CXADR: variants seen among roughly 807,000 people sequenced by gnomAD.
CXADR encodes coxsackievirus and adenovirus receptor.
In CXADR, 20 loss-of-function variants were observed where a neutral mutation model predicts 40.3. The ratio of observed to expected loss-of-function variants is 0.50; its 90% CI spans 0.35 to 0.72. CXADR has a LOEUF of 0.72. Ranked by LOEUF, CXADR falls within the 30% of genes least tolerant of loss-of-function variation. The pLI, the probability that CXADR is intolerant of heterozygous loss-of-function variation, is 0.01. For missense variants in CXADR, 332 were observed against 449.1 expected (o/e 0.74, Z 2.36); for synonymous variants, 150 against 161.3 (o/e 0.93, Z 0.53).
chr21:17,560,989 ACTT>A, intron 5 of CXADR, among the ~76,000 whole-genome samples, 165 bp downstream of exon 5: 1 of 152,332 alleles, frequency 6.6e-6, no homozygotes, highest in East Asian at 1.9e-4. Flanking sequence ...TATTAAAAAA[ACTT>A]CATAATTGCA....
At chr21:17,608,867 C>T in the CXADR span, 4 of 1,081,844 alleles carry the variant, frequency 3.7e-6, no homozygotes, top group South Asian at 3.8e-5. Flanking sequence ...CTATATTTTG[C>T]AGATGAAACA....
intron 1 of CXADR, among the ~76,000 whole-genome samples, chr21:17,523,080 G>A (rs1398970674): frequency 6.6e-6 from 1 of 152,136 alleles, no homozygotes; most frequent in African/African-American, 2.4e-5. Flanking sequence ...TCTTCAGCTT[G>A]TTGAGATGCT....
the CXADR span, chr21:17,605,017 C>G: frequency 6.2e-6 from 10 of 1,609,534 alleles, 1 homozygote; most frequent in South Asian, 7.7e-5. Flanking sequence ...AGTGGAGTTA[C>G]GTTAATGGAT....
At chr21:17,604,755 C>A in the CXADR span, 1 of 1,356,514 alleles carries the variant, frequency 7.4e-7, no homozygotes, top group Non-Finnish European at 9.8e-7. Flanking sequence ...AGTTAAACCA[C>A]CAGCTCCTGG....
chr21:17,556,003 C>T (rs1211441731), intron 3 of CXADR, among the ~76,000 whole-genome samples: 3 of 152,094 alleles, frequency 2.0e-5, no homozygotes, highest in Non-Finnish European at 4.4e-5. Context: ...TGAAGGAATA[C>T]GTGTATGGAA....
the CXADR span, among the ~76,000 whole-genome samples, chr21:17,615,441 G>A: frequency 2.0e-5 from 3 of 152,190 alleles, no homozygotes; most frequent in Admixed American, 6.5e-5. Flanking sequence ...CCCAGTGGAT[G>A]TCTGAAACTG....
In CXADR at chr21:17,551,967, A is replaced by G; in HGVS notation, c.415+14A>G. 1 of 1,594,222 alleles carries G rather than the reference A, an allele frequency of 6.3e-7. No homozygotes were observed. The highest frequency in any genetic ancestry group is 8.6e-7 in the Non-Finnish European group (1 of 1,162,254). ...TGGTAGTTCTTGGTAAGTTATTTTT[A>G]TTTGTGTTAACGGGTTACTGAGTAA... On this transcript the variant is annotated intron_variant, in intron 3 of 6. Transcript: ENST00000284878.
chr21:17,627,952 G>A, the CXADR span, among the ~76,000 whole-genome samples: 1 of 152,108 alleles, frequency 6.6e-6, no homozygotes, highest in East Asian at 1.9e-4. Flanking sequence ...AGTTGATTAA[G>A]TTTTTAGTTG....
At position 17,559,118 on chromosome 21, in the gene CXADR, T is replaced by C. The variant is rs776385270; in HGVS notation, c.558T>C (p.Thr186=). ...QKLSDSQKMP[T]SWLAEMTSSV... is the part of the protein sequence containing the mutation. ...TGTCTGACTCACAGAAAATGCCCAC[T>C]TCATGGTTAGCAGGTACTGCTGATA... The change falls in exon 4 of 7, where the codon ACT becomes ACC. Residue 186 remains threonine, a synonymous_variant. Coordinates refer to ENST00000284878, the MANE Select transcript of CXADR (RefSeq NM_001338.5). 11 of 1,614,124 alleles carry C rather than the reference T, an allele frequency of 6.8e-6. No homozygotes were observed. The highest frequency in any genetic ancestry group is 7.6e-6 in the Non-Finnish European group (9 of 1,179,994).
the CXADR span, among the ~76,000 whole-genome samples, chr21:17,620,718 CG>C: frequency 6.6e-6 from 1 of 151,178 alleles, no homozygotes; most frequent in Non-Finnish European, 1.5e-5. Flanking sequence ...TCAGAAATAA[CG>C]TAAAAAAAAA....
At chr21:17,555,048 T>C (rs1253841016) in intron 3 of CXADR, among the ~76,000 whole-genome samples, 1 of 152,182 alleles carries the variant, frequency 6.6e-6, no homozygotes, top group African/African-American at 2.4e-5. Flanking sequence ...GCAGAAGCTC[T>C]TGTGGATGCA....
the CXADR span, among the ~76,000 whole-genome samples, chr21:17,616,050 A>G: frequency 6.6e-6 from 1 of 152,104 alleles, no homozygotes; most frequent in East Asian, 1.9e-4. Flanking sequence ...CAGGAGTTTG[A>G]GACCAGCCTG....
intron 1 of CXADR, among the ~76,000 whole-genome samples, chr21:17,519,436 G>A (rs985691044): frequency 6.6e-6 from 1 of 152,202 alleles, no homozygotes; most frequent in Non-Finnish European, 1.5e-5. Flanking sequence ...CACTAGTCAT[G>A]TCTGAGTCAG....
At chr21:17,629,231 T>C in the CXADR span, among the ~76,000 whole-genome samples, 6 of 151,558 alleles carry the variant, frequency 4.0e-5, no homozygotes, top group Admixed American at 1.3e-4. Flanking sequence ...AATACAAAAA[T>C]TAGCTGGGTA....
chr21:17,625,782 A>T, the CXADR span, among the ~76,000 whole-genome samples: 2 of 152,238 alleles, frequency 1.3e-5, no homozygotes, highest in Non-Finnish European at 2.9e-5. Context: ...AAATCTACAG[A>T]TGATTCTAGC....
chr21:17,617,810 T>TA, the CXADR span, among the ~76,000 whole-genome samples: 1 of 151,850 alleles, frequency 6.6e-6, no homozygotes. Flanking sequence ...CTGTGGCAAT[T>TA]AAAAAAAATA....
chr21:17,587,996 T>C (rs2061409629), intron 7 of CXADR, among the ~76,000 whole-genome samples: 1 of 152,140 alleles, frequency 6.6e-6, no homozygotes, highest in Non-Finnish European at 1.5e-5. Flanking sequence ...AGGGAATCCT[T>C]TCCCCATTGC....
chr21:17,518,772 T>G, intron 1 of CXADR: 3 of 1,582,994 alleles, frequency 1.9e-6, no homozygotes, highest in Non-Finnish European at 2.6e-6. Context: ...AAAGGGAAGC[T>G]TGGACTTTGG....
At chr21:17,535,131 T>C (rs966305654) in intron 1 of CXADR, among the ~76,000 whole-genome samples, 1 of 152,188 alleles carries the variant, frequency 6.6e-6, no homozygotes. Flanking sequence ...TTGACTATTA[T>C]TGAGTGTGTG....
Sources: gnomAD v4.1 joint callset for allele counts (sites outside exome capture counted in the v4.1 genomes callset) on GRCh38, gnomAD v4.1.1 for gene constraint, MANE v1.5 for transcripts, NCBI Gene and HGNC (gene_info 2026-07-23, HGNC 2026-07-21) for gene names.